The following ZC3HAV1 variants were observed in gnomAD, a reference collection of about 807,000 sequenced individuals.
The protein encoded by ZC3HAV1 is zinc finger CCCH-type containing, antiviral 1.
Under a neutral mutation model 86.6 loss-of-function variants are expected in ZC3HAV1, and 41 were observed. That is an observed-to-expected ratio of 0.47 (90% CI 0.37 to 0.61). ZC3HAV1 has a LOEUF of 0.61. Among genes scored for constraint, ZC3HAV1 ranks in the 20% least tolerant of loss-of-function variants. ZC3HAV1 has a pLI of 0.00. For synonymous variants in ZC3HAV1, 421 were observed against 432.1 expected, an observed-to-expected ratio of 0.97 and a Z score of 0.32; for missense variants, 964 against 1,141.1, an observed-to-expected ratio of 0.84 and a Z score of 2.24.
intron 2 of ZC3HAV1, among the ~76,000 whole-genome samples, chr7:139,087,930 G>A (rs951772536): frequency 1.3e-5 from 2 of 150,964 alleles, no homozygotes. Context: ...TACTTGGGGG[G>A]CTTAGGCAGG....
intron 9 of ZC3HAV1, among the ~76,000 whole-genome samples, chr7:139,059,036 TAAGGA>T (rs1816371559): frequency 1.3e-5 from 2 of 152,166 alleles, no homozygotes; most frequent in Non-Finnish European, 2.9e-5. Context: ...TTTGTTGCTT[TAAGGA>T]AAGACAGTTC....
chr7:139,053,660 C>T, intron 11 of ZC3HAV1, 79 bp from the exon 12 acceptor site: 1 of 1,474,006 alleles, frequency 6.8e-7, no homozygotes, highest in Non-Finnish European at 8.9e-7. Flanking sequence ...CAGCTAAAGT[C>T]TAATCATCTA....
At chr7:139,088,590 G>A (rs555157905) in intron 2 of ZC3HAV1, among the ~76,000 whole-genome samples, 4 of 152,260 alleles carry the variant, frequency 2.6e-5, no homozygotes, top group African/African-American at 7.2e-5. Context: ...TGAGCCCCTT[G>A]ATGACATCAT....
intron 3 of ZC3HAV1, among the ~76,000 whole-genome samples, chr7:139,080,854 C>G (rs17160713): frequency 6.6e-6 from 1 of 152,144 alleles, no homozygotes; most frequent in Non-Finnish European, 1.5e-5. Context: ...TTGCCCATAT[C>G]GTGATACGGG....
intron 9 of ZC3HAV1, among the ~76,000 whole-genome samples, chr7:139,055,709 G>A (rs1584839117): frequency 6.6e-6 from 1 of 152,160 alleles, no homozygotes; most frequent in African/African-American, 2.4e-5. Flanking sequence ...GTATTTCAGG[G>A]TAACCATACC....
At chr7:139,056,642 A>G (rs1369771904) in intron 9 of ZC3HAV1, among the ~76,000 whole-genome samples, 1 of 152,062 alleles carries the variant, frequency 6.6e-6, no homozygotes, top group Non-Finnish European at 1.5e-5. Flanking sequence ...CCTGGGCTCA[A>G]GCAATCCTTC....
At chr7:139,052,606 C>CAAAAA (rs35386659) in intron 12 of ZC3HAV1, among the ~76,000 whole-genome samples, 1 of 64,974 alleles carries the variant, frequency 1.5e-5, no homozygotes. Flanking sequence ...ACTCTGTCTC[C>CAAAAA]AAAAAAAAAA....
At chr7:139,085,263 A>C (rs533282810) in intron 2 of ZC3HAV1, among the ~76,000 whole-genome samples, 1 of 152,230 alleles carries the variant, frequency 6.6e-6, no homozygotes, top group Non-Finnish European at 1.5e-5. Flanking sequence ...AACTTCACAA[A>C]TGATGTTTTG....
chr7:139,080,364 T>C, intron 3 of ZC3HAV1, 121 bp from the exon 4 acceptor site: 2 of 1,214,942 alleles, frequency 1.6e-6, no homozygotes, highest in Admixed American at 2.1e-5. Context: ...GCTATCAAAT[T>C]ACTTGGCGTA....
At chr7:139,105,696 G>A (rs1381195163) in intron 1 of ZC3HAV1, among the ~76,000 whole-genome samples, 2 of 152,044 alleles carry the variant, frequency 1.3e-5, no homozygotes, top group African/African-American at 2.4e-5. Context: ...AATGCAAATC[G>A]TCCCCCTGTA....
At chr7:139,067,572 G>C (rs1385130415) in intron 7 of ZC3HAV1, among the ~76,000 whole-genome samples, 2 of 152,150 alleles carry the variant, frequency 1.3e-5, no homozygotes, top group Non-Finnish European at 2.9e-5. Flanking sequence ...GGGCAGGTTG[G>C]GAGGGGAGTA....
At chr7:139,101,207 C>T (rs922937653) in intron 1 of ZC3HAV1, among the ~76,000 whole-genome samples, 5 of 151,864 alleles carry the variant, frequency 3.3e-5, no homozygotes, top group Middle Eastern at 3.4e-3. Context: ...CTCCACCTCC[C>T]AGCCGCCTGC....
intron 1 of ZC3HAV1, 22 bp from the exon 2 acceptor site, chr7:139,089,781 G>A (rs755431417): frequency 1.2e-6 from 2 of 1,602,260 alleles, no homozygotes; most frequent in Admixed American, 3.5e-5. Flanking sequence ...CACGACAATG[G>A]TCAGTATTTC....
intron 5 of ZC3HAV1, among the ~76,000 whole-genome samples, chr7:139,077,815 A>AAC (rs1010559232): frequency 1.3e-5 from 2 of 152,098 alleles, no homozygotes; most frequent in Admixed American, 1.3e-4. Flanking sequence ...CTTCAAAACA[A>AAC]ACAAAAAAGA....
At chr7:139,070,331 G>C (rs1326968936) in intron 7 of ZC3HAV1, among the ~76,000 whole-genome samples, 1 of 152,060 alleles carries the variant, frequency 6.6e-6, no homozygotes, top group Admixed American at 6.5e-5. Context: ...AAACTCTACA[G>C]CTAACACAGA....
At chr7:139,097,452 TGAGATGGAG>T (rs1817638842) in intron 1 of ZC3HAV1, among the ~76,000 whole-genome samples, 1 of 132,762 alleles carries the variant, frequency 7.5e-6, no homozygotes, top group African/African-American at 2.8e-5. Flanking sequence ...TTTTTTTCTT[TGAGATGGAG>T]TCTCGCTCTG....
intron 9 of ZC3HAV1, among the ~76,000 whole-genome samples, chr7:139,056,361 C>T (rs1255231455): frequency 2.0e-5 from 3 of 150,362 alleles, no homozygotes; most frequent in African/African-American, 7.3e-5. Context: ...GTCAAATCAC[C>T]TAGTCGTTGT....
chr7:139,057,188 T>C (rs28419035), intron 9 of ZC3HAV1, among the ~76,000 whole-genome samples: 10,962 of 151,964 alleles, frequency 0.072, 1,047 homozygotes, highest in African/African-American at 0.22. Context: ...CCTCCCCATC[T>C]CTAGAAACAT....
chr7:139,109,372 G>A lies in ZC3HAV1; in HGVS notation c.-41C>T. 2.0e-6 allele frequency: 3 copies of A among 1,504,804 alleles called. No individual in the cohort carries two copies. Among genetic ancestry groups the A allele is most frequent in the Non-Finnish European group, 2.7e-6 (3 of 1,129,046 alleles). The allele number at this position is 1,504,804 out of a possible 1,614,324, so 93.2% of individuals were successfully genotyped here. A position where few individuals can be genotyped will look rare whatever the true frequency, so the allele number is the denominator to read the frequency against. ...CTGGCTCTGCCGCGGCGCGGGACTC[G>A]GTTCCGCGGAAATCGGAAATCGAAA... On this transcript the variant is annotated 5_prime_UTR_variant, in exon 1 of 13. Coordinates refer to ENST00000242351, the MANE Select transcript of ZC3HAV1 (RefSeq NM_020119.4).
Sources: gnomAD v4.1 joint callset for allele counts (sites outside exome capture counted in the v4.1 genomes callset) on GRCh38, gnomAD v4.1.1 for gene constraint, MANE v1.5 for transcripts, NCBI Gene and HGNC (gene_info 2026-07-23, HGNC 2026-07-21) for gene names.